The following MACROD2 variants were observed in gnomAD, a reference collection of about 807,000 sequenced individuals.
MACROD2 encodes the protein ADP-ribose glycohydrolase MACROD2.
In MACROD2, 36 loss-of-function variants were observed where a neutral mutation model predicts 70.4. The ratio of observed to expected loss-of-function variants is 0.51; its 90% CI spans 0.39 to 0.68. The LOEUF (loss-of-function observed/expected upper bound fraction) is 0.68. MACROD2 is among the 30% of genes least tolerant of loss of function. MACROD2 has a pLI of 0.00. For synonymous variants in MACROD2, 172 were observed against 178.8 expected, an observed-to-expected ratio of 0.96 and a Z score of 0.30; for missense variants, 496 against 538.4, an observed-to-expected ratio of 0.92 and a Z score of 0.78.
intron 5 of MACROD2, among the ~76,000 whole-genome samples, chr20:15,209,668 T>A (rs1380179722): frequency 6.6e-6 from 1 of 152,214 alleles, no homozygotes; most frequent in Non-Finnish European, 1.5e-5. Context: ...CAGCATTTCT[T>A]AATACACATC....
chr20:15,318,316 A>G (rs1308123414), intron 6 of MACROD2, among the ~76,000 whole-genome samples: 1 of 152,162 alleles, frequency 6.6e-6, no homozygotes, highest in Non-Finnish European at 1.5e-5. Context: ...TTATATAACA[A>G]GAAATTATAT....
intron 4 of MACROD2, among the ~76,000 whole-genome samples, chr20:14,609,554 A>G (rs1275597199): frequency 6.6e-6 from 1 of 152,126 alleles, no homozygotes; most frequent in Non-Finnish European, 1.5e-5. Flanking sequence ...GTGATCTTTC[A>G]TGAGCTGCCT....
chr20:14,401,669 C>G (rs561404665), intron 3 of MACROD2, among the ~76,000 whole-genome samples: 2 of 152,180 alleles, frequency 1.3e-5, no homozygotes, highest in East Asian at 3.9e-4. Context: ...TTGTAAGTCC[C>G]CTGTCAACAC....
intron 5 of MACROD2, among the ~76,000 whole-genome samples, chr20:15,227,742 G>A (rs2076919645): frequency 6.7e-6 from 1 of 150,114 alleles, no homozygotes; most frequent in African/African-American, 2.5e-5. Flanking sequence ...TTCTCCTCCT[G>A]GAGACGCACA....
chr20:15,752,206 T>C (rs2051282668), intron 8 of MACROD2, among the ~76,000 whole-genome samples: 1 of 152,020 alleles, frequency 6.6e-6, no homozygotes, highest in Non-Finnish European at 1.5e-5. Flanking sequence ...TCAAAGCTGC[T>C]TAGGTTATAG....
rs962851870 is a variant in MACROD2, at chr20:15,979,663, C to A, written c.986-7064C>A. Among the ~76,000 whole-genome samples the A allele has an allele frequency of 2.6e-5, 4 of 152,200 alleles. No homozygotes were observed. The East Asian group carries it at 7.7e-4, about 29-fold the overall frequency. ...TCCTCAGCACAAAATCTTTCATTAG[C>A]CCGAGGCAAAATGGCCAGATTTCAA... On this transcript the variant is annotated intron_variant, in intron 13 of 17. Coordinates refer to ENST00000684519, the MANE Select transcript of MACROD2 (RefSeq NM_001351661.2).
intron 5 of MACROD2, among the ~76,000 whole-genome samples, chr20:14,813,114 C>T (rs921891042): frequency 5.3e-5 from 8 of 151,358 alleles, no homozygotes; most frequent in South Asian, 2.1e-4. Flanking sequence ...TATTAATTGT[C>T]GATCTTGAGA....
intron 7 of MACROD2, among the ~76,000 whole-genome samples, chr20:15,436,110 A>G (rs13038758): frequency 0.17 from 25,615 of 152,068 alleles, 2,758 homozygotes; most frequent in Admixed American, 0.24. Flanking sequence ...GTAACTTTAG[A>G]TTGCTATGTC....
At chr20:15,208,735 G>T (rs2076733690) in intron 5 of MACROD2, among the ~76,000 whole-genome samples, 2 of 152,284 alleles carry the variant, frequency 1.3e-5, no homozygotes, top group African/African-American at 2.4e-5. Flanking sequence ...ACCTTGGCTG[G>T]GAGGGGAAAC....
intron 8 of MACROD2, among the ~76,000 whole-genome samples, chr20:15,518,799 G>A (rs2047604548): frequency 6.6e-6 from 1 of 152,168 alleles, no homozygotes; most frequent in African/African-American, 2.4e-5. Flanking sequence ...AACAGTTCAA[G>A]AATAGCCTGG....
intron 4 of MACROD2, among the ~76,000 whole-genome samples, chr20:14,587,784 G>A (rs1249469601): frequency 6.6e-6 from 1 of 151,930 alleles, no homozygotes; most frequent in Non-Finnish European, 1.5e-5. Context: ...ATCTTTTGAT[G>A]TGTTGCTATA....
At chr20:14,469,026 T>C (rs1200346676) in intron 3 of MACROD2, among the ~76,000 whole-genome samples, 1 of 152,130 alleles carries the variant, frequency 6.6e-6, no homozygotes, top group African/African-American at 2.4e-5. Flanking sequence ...ATAGTATCGA[T>C]GGTCTTTACA....
chr20:14,945,901 T>G (rs2074427663), intron 5 of MACROD2, among the ~76,000 whole-genome samples: 1 of 152,176 alleles, frequency 6.6e-6, no homozygotes. Context: ...TTATCTGCAT[T>G]TTAGTAAGAA....
rs6034237 is a variant in MACROD2, at chr20:15,629,455, A to G, written c.645+129608A>G. On this transcript the variant is annotated intron_variant, in intron 8 of 17. Coordinates refer to ENST00000684519, the MANE Select transcript of MACROD2 (RefSeq NM_001351661.2). ...TTCCATTTAAGTATTTTCTTATCTT[A>G]TAGAAATACGTGGGATATTTCTCTT... is the stretch of plus-strand genomic sequence containing the variant. 9.5e-3 allele frequency among the ~76,000 whole-genome samples: 1,444 copies of G among 152,364 alleles called. 19 individuals carry two copies. The highest frequency in any genetic ancestry group is 0.033 in the African/African-American group (1,369 of 41,594).
rs771849548 is a variant in MACROD2 at position 14,932,857 on chromosome 20, C to T, written c.418+247898C>T. On this transcript the variant is annotated intron_variant, in intron 5 of 17. Coordinates refer to ENST00000684519, the MANE Select transcript of MACROD2 (RefSeq NM_001351661.2). ...CTGGGATTACAGGGATGAACCACGG[C>T]GCCCAGCAAACTCATGTAAAGTTGA... 1.8e-4 allele frequency among the ~76,000 whole-genome samples: 28 copies of T among 152,080 alleles called. 1 individual carries two copies. The highest frequency in any genetic ancestry group is 5.3e-4 in the African/African-American group (22 of 41,418).
Position 14,593,087 on chromosome 20 carries a change from A to G in MACROD2, c.302-91756A>G, listed in dbSNP as rs140169005. 1.8e-4 allele frequency among the ~76,000 whole-genome samples: 28 copies of G among 152,342 alleles called. No individual in the cohort carries two copies. The East Asian group carries it at 4.0e-3, about 22-fold the overall frequency. On this transcript the variant is annotated intron_variant, in intron 4 of 17. Coordinates refer to ENST00000684519, the MANE Select transcript of MACROD2 (RefSeq NM_001351661.2). ...AAATGTAGGTACATCTTGATGTTAT[A>G]CGAAACTGTATTTTTCTACCATAGC...
At chr20:15,596,839 G>T (rs73900009) in intron 8 of MACROD2, among the ~76,000 whole-genome samples, 1,721 of 152,242 alleles carry the variant, frequency 0.011, 35 homozygotes, top group African/African-American at 0.038. Context: ...TCCTAACACG[G>T]GCTTAAGGTC....
At chr20:15,633,726 C>G (rs2049324734) in intron 8 of MACROD2, among the ~76,000 whole-genome samples, 1 of 152,158 alleles carries the variant, frequency 6.6e-6, no homozygotes, top group South Asian at 2.1e-4. Context: ...CACATTGAAT[C>G]TATTACCATA....
intron 3 of MACROD2, chr20:14,325,654 T>C: frequency 1.2e-6 from 2 of 1,613,766 alleles, no homozygotes; most frequent in Non-Finnish European, 1.7e-6. Context: ...ATTCATTCCA[T>C]TAGGAGGAAA....
Sources: allele counts gnomAD v4.1 joint callset (sites outside exome capture counted in the v4.1 genomes callset), GRCh38; gene constraint gnomAD v4.1.1; transcripts MANE v1.5; gene names NCBI Gene and HGNC (gene_info 2026-07-23, HGNC 2026-07-21).